DYRK1A: variants seen among roughly 807,000 people sequenced by gnomAD.
DYRK1A encodes dual specificity tyrosine phosphorylation regulated kinase 1A, also known as dual specificity tyrosine-phosphorylation-regulated kinase 1A.
Under a neutral mutation model 79.7 loss-of-function variants are expected in DYRK1A, and 9 were observed. That is an observed-to-expected ratio of 0.11 (90% CI 0.07 to 0.20). The LOEUF (loss-of-function observed/expected upper bound fraction) is 0.20, where lower values mean the gene tolerates loss of function less well. DYRK1A is among the 10% of genes least tolerant of loss of function. The pLI is 1.00. For synonymous variants in DYRK1A, 349 were observed against 329.7 expected (o/e 1.06, Z -0.63); for missense variants, 622 against 956.0 (o/e 0.65, Z 4.61).
At position 37,520,426 on chromosome 21, in the gene DYRK1A, T is replaced by C. The variant is rs538472699; in HGVS notation, c.*7895T>C. 1 of 152,336 alleles carries C rather than the reference T, an allele frequency of 6.6e-6. No homozygotes were observed. Among genetic ancestry groups the C allele is most frequent in the East Asian group, 1.9e-4 (1 of 5,180 alleles). The allele number at this position is 152,336 out of a possible 1,614,324, so 9.4% of individuals were successfully genotyped here. A position where few individuals can be genotyped will look rare whatever the true frequency, so the allele number is the denominator to read the frequency against. On this transcript the variant is annotated 3_prime_UTR_variant, in exon 12 of 12. Transcript: ENST00000647188. ...GGAAATAATTGCTGCTTTTTTCTTC[T>C]TCTTTATTCTGTTGACTTTGTTGAT...
intron 2 of DYRK1A, among the ~76,000 whole-genome samples, chr21:37,446,287 G>A (rs1373929985): frequency 1.3e-5 from 2 of 152,094 alleles, no homozygotes; most frequent in Non-Finnish European, 2.9e-5. Flanking sequence ...AGAAGTATTA[G>A]CTCTGAAAAC....
intron 2 of DYRK1A, among the ~76,000 whole-genome samples, chr21:37,445,418 A>G (rs143581990): frequency 4.1e-4 from 63 of 152,328 alleles, no homozygotes; most frequent in African/African-American, 2.2e-4. Context: ...TTACTGTGCC[A>G]AGCATTTCAT....
intron 3 of DYRK1A, among the ~76,000 whole-genome samples, chr21:37,474,852 G>A (rs996976109): frequency 6.6e-6 from 1 of 152,118 alleles, no homozygotes. Context: ...ATCTTCCATA[G>A]TTCTTAAATT....
chr21:37,400,882 C>T (rs56391391), intron 1 of DYRK1A, among the ~76,000 whole-genome samples: 1,593 of 152,222 alleles, frequency 0.01, 21 homozygotes, highest in African/African-American at 0.036. Context: ...CAGTGGCTCA[C>T]GCCTGTAATC....
At chr21:37,417,535 T>TTTTTCTTTTTCTTTTTCTTTTTCTTTTTC in intron 1 of DYRK1A, among the ~76,000 whole-genome samples, 1 of 35,192 alleles carries the variant, frequency 2.8e-5, no homozygotes, top group Middle Eastern at 0.014. Flanking sequence ...TTTTCTTTTT[T>TTTTTCTTTTTCTTTTTCTTTTTCTTTTTC]TTTTTTTTTT....
intron 1 of DYRK1A, among the ~76,000 whole-genome samples, chr21:37,371,999 T>C (rs1320545473): frequency 2.0e-5 from 3 of 152,194 alleles, no homozygotes; most frequent in East Asian, 3.8e-4. Context: ...TTTGATAATA[T>C]AGAGCCATTT....
chr21:37,371,495 AATGGTG>A (rs923381721), intron 1 of DYRK1A, among the ~76,000 whole-genome samples: 4 of 152,206 alleles, frequency 2.6e-5, no homozygotes, highest in Admixed American at 2.6e-4. Flanking sequence ...GAACACGTGA[AATGGTG>A]TGGTTTCTTT....
chr21:37,420,028 A>G (rs576302142), intron 1 of DYRK1A: 1 of 176,872 alleles, frequency 5.7e-6, no homozygotes, highest in South Asian at 1.8e-4. Context: ...TTTATTTGAT[A>G]CCTAGAAAAT....
Position 37,514,645 on chromosome 21 carries a change from GTTGT to G in DYRK1A, c.*2117_*2120del, listed in dbSNP as rs1569410950. 3 of 152,538 alleles carry G rather than the reference GTTGT, an allele frequency of 2.0e-5. No homozygotes were observed. Among genetic ancestry groups the G allele is most frequent in the South Asian group, 2.1e-4 (1 of 4,820 alleles). The allele number at this position is 152,538 out of a possible 1,614,324, so 9.4% of individuals were successfully genotyped here. A position where few individuals can be genotyped will look rare whatever the true frequency, so the allele number is the denominator to read the frequency against. On this transcript the variant is annotated 3_prime_UTR_variant, in exon 12 of 12. Transcript: ENST00000647188. ...TTTTTATAAACTACAAAAACTTTTT[GTTGT>G]TTATCAGGAAATCCATATTTATTTT...
rs530721978 is a variant in DYRK1A, at chr21:37,436,914, A to G, written c.10+16530A>G. Among the ~76,000 whole-genome samples, 5 of 152,334 alleles carry G rather than the reference A, an allele frequency of 3.3e-5. No individual in the cohort carries two copies. In the South Asian group the frequency reaches 6.2e-4, roughly 19 times the overall value. On this transcript the variant is annotated intron_variant, in intron 2 of 11. Coordinates refer to ENST00000647188, the MANE Select transcript of DYRK1A (RefSeq NM_001347721.2). ...TGACATGGTGGAGTATGGAGTATCC[A>G]TGCTGTAAGAGAGGTGGAAATTCAG...
chr21:37,419,454 A>G (rs1176444337), intron 1 of DYRK1A: 1 of 152,230 alleles, frequency 6.6e-6, no homozygotes, highest in Non-Finnish European at 1.5e-5. Flanking sequence ...GCCCTTGACC[A>G]GGAACATCTC....
At chr21:37,425,826 T>A (rs981995628) in intron 2 of DYRK1A, 2 of 152,192 alleles carry the variant, frequency 1.3e-5, no homozygotes, top group Non-Finnish European at 2.9e-5. Flanking sequence ...CTGTGTGGTA[T>A]CAGCATTTGT....
At chr21:37,372,991 A>G (rs2049463192) in intron 1 of DYRK1A, among the ~76,000 whole-genome samples, 1 of 152,158 alleles carries the variant, frequency 6.6e-6, no homozygotes, top group African/African-American at 2.4e-5. Flanking sequence ...TAATTTCTCC[A>G]TTAAATTTTA....
intron 1 of DYRK1A, among the ~76,000 whole-genome samples, chr21:37,394,002 C>A (rs913777627): frequency 6.6e-6 from 1 of 152,168 alleles, no homozygotes; most frequent in Non-Finnish European, 1.5e-5. Flanking sequence ...AAGCCACAGG[C>A]CAGCCCAGAT....
chr21:37,420,287 T>C lies in DYRK1A; in HGVS notation c.-76-12T>C, dbSNP rs1038133301. On this transcript the variant is annotated splice_polypyrimidine_tract_variant and intron_variant, in intron 1 of 11. Transcript: ENST00000647188. The stretch of plus-strand genomic sequence containing the variant: ...CATTATCTCTTATCATAATCTGTTT[T>C]TCTTCACACAGTGTTATAGTTTTGC... 1.8e-5 allele frequency: 20 copies of C among 1,142,184 alleles called. No individual in the cohort carries two copies. The African/African-American group carries it at 3.0e-4, about 17-fold the overall frequency. The allele number at this position is 1,142,184 out of a possible 1,614,324, so 70.8% of individuals were successfully genotyped here.
intron 6 of DYRK1A, chr21:37,488,312 G>C: frequency 4.2e-6 from 4 of 963,536 alleles, no homozygotes; most frequent in Non-Finnish European, 4.9e-6. Flanking sequence ...CTTTAGATTA[G>C]ACAAGTTCAT....
chr21:37,425,359 G>A (rs75776359), intron 2 of DYRK1A, among the ~76,000 whole-genome samples: 2 of 152,010 alleles, frequency 1.3e-5, no homozygotes, highest in Middle Eastern at 6.3e-3. Context: ...GGTTTTAAGA[G>A]TTTCTTATTA....
At chr21:37,494,252 TG>T (rs988065041) in intron 8 of DYRK1A, among the ~76,000 whole-genome samples, 4 of 151,954 alleles carry the variant, frequency 2.6e-5, no homozygotes, top group Admixed American at 2.0e-4. Flanking sequence ...TGTCATAGTT[TG>T]TTTTTTTTTT....
intron 5 of DYRK1A, among the ~76,000 whole-genome samples, chr21:37,482,544 G>A (rs1220440572): frequency 6.6e-6 from 1 of 152,164 alleles, no homozygotes; most frequent in African/African-American, 2.4e-5. Context: ...GGCAGGGCGA[G>A]ATCGCAGGAC....
Sources: gnomAD v4.1 joint callset for allele counts (sites outside exome capture counted in the v4.1 genomes callset) on GRCh38, gnomAD v4.1.1 for gene constraint, MANE v1.5 for transcripts, NCBI Gene and HGNC (gene_info 2026-07-23, HGNC 2026-07-21) for gene names.